The following RIC3 variants were observed in gnomAD, a reference collection of about 807,000 sequenced individuals.
RIC3 encodes protein RIC-3.
Under a neutral mutation model 27.3 loss-of-function variants are expected in RIC3, and 28 were observed. That is an observed-to-expected ratio of 1.02 (90% CI 0.76 to 1.41). RIC3 has a LOEUF of 1.41. Among genes scored for constraint, RIC3 ranks in the 40% most tolerant of loss-of-function variants. RIC3 has a pLI of 0.00. For synonymous variants in RIC3, 184 were observed against 160.4 expected (o/e 1.15, Z -1.11); for missense variants, 501 against 444.7 (o/e 1.13, Z -1.14).
At chr11:8,100,814 C>T in the RIC3 span, 5 of 1,612,966 alleles carry the variant, frequency 3.1e-6, no homozygotes, top group African/African-American at 2.7e-5. Context: ...TCAGGTGAGG[C>T]TGCCCTCCCA....
chr11:8,139,093 T>G (rs899982046), intron 2 of RIC3: 1 of 152,248 alleles, frequency 6.6e-6, no homozygotes, highest in African/African-American at 2.4e-5. Flanking sequence ...AAGTGCTGCT[T>G]CTTTATGGCA....
At chr11:8,119,666 A>T (rs1359311674) in intron 5 of RIC3, among the ~76,000 whole-genome samples, 1 of 152,234 alleles carries the variant, frequency 6.6e-6, no homozygotes, top group Non-Finnish European at 1.5e-5. Context: ...CACCAAAAGC[A>T]ATGACAACAA....
downstream of RIC3, chr11:8,105,102 T>A (rs1944492712): frequency 6.6e-6 from 1 of 152,170 alleles, no homozygotes; most frequent in African/African-American, 2.4e-5. Context: ...GGGATAGCCA[T>A]TTCCATGGCT....
At chr11:8,154,855 G>A (rs955933678) in intron 1 of RIC3, among the ~76,000 whole-genome samples, 1 of 152,126 alleles carries the variant, frequency 6.6e-6, no homozygotes, top group Non-Finnish European at 1.5e-5. Flanking sequence ...ACAGCTATGT[G>A]ACTATCTCTA....
intron 1 of RIC3, among the ~76,000 whole-genome samples, chr11:8,164,518 GTA>G (rs912646843): frequency 7.2e-5 from 11 of 152,254 alleles, no homozygotes; most frequent in African/African-American, 2.6e-4. Context: ...GCTTACACCT[GTA>G]ATACCAGTGC....
chr11:8,098,900 T>C, the RIC3 span: 3 of 1,533,346 alleles, frequency 2.0e-6, no homozygotes, highest in African/African-American at 1.4e-5. Context: ...CGGGGGTCTC[T>C]GATTTCCAAG....
rs751315626 is a variant in RIC3, at chr11:8,110,924, G to C, written c.884C>G (p.Ser295Trp). ...ACATGTTTCTGGCTTTGGATCACAC[G>C]AGGTAACAGAATTATCTTCCTGGGC... The part of the protein sequence containing the change: ...PRAQEDNSVT[S>W]CDPKPETCSC... Residue 295 changes from serine (S) to tryptophan (W), a missense_variant, in exon 6 of 6, where the codon TCG becomes TGG. By Grantham distance (177) the Ser-to-Trp change is radical (BLOSUM62 -3). Transcript: ENST00000309737. The C allele has an allele frequency of 6.2e-7, 1 of 1,614,160 alleles. No homozygotes were observed. Among genetic ancestry groups the C allele is most frequent in the South Asian group, 1.1e-5 (1 of 91,062 alleles).
chr11:8,129,615 G>A (rs1947445302), intron 4 of RIC3, among the ~76,000 whole-genome samples: 2 of 152,098 alleles, frequency 1.3e-5, no homozygotes, highest in South Asian at 4.1e-4. Context: ...GTCACAGTTG[G>A]GAAACACCCT....
At chr11:8,100,107 G>T in the RIC3 span, among the ~76,000 whole-genome samples, 1 of 152,308 alleles carries the variant, frequency 6.6e-6, no homozygotes, top group Non-Finnish European at 1.5e-5. Context: ...AGGAGTCCAG[G>T]CAAAGGCTGT....
In RIC3 at chr11:8,140,020, T is replaced by A; in HGVS notation, c.298A>T (p.Ile100Phe). ...GSGRGLMGQIIPIYGFGIFLY... is the reference protein window; with the variant it reads ...GSGRGLMGQIFPIYGFGIFLY... ...AAAATCCCAAAACCGTAGATTGGAA[T>A]AATCTGCCCCATCAGACCTCTTCCA... Residue 100 changes from isoleucine to phenylalanine, a missense_variant, in exon 2 of 6, where the codon ATT (isoleucine) becomes TTT (phenylalanine). Transcript: ENST00000309737. 1 of 1,614,130 alleles carries A rather than the reference T, an allele frequency of 6.2e-7. No homozygotes were observed. Among genetic ancestry groups the A allele is most frequent in the Admixed American group, 1.7e-5 (1 of 59,990 alleles).
At chr11:8,134,237 C>T (rs914976752) in intron 4 of RIC3, among the ~76,000 whole-genome samples, 20 of 152,118 alleles carry the variant, frequency 1.3e-4, no homozygotes, top group African/African-American at 4.1e-4. Flanking sequence ...TGAGTGAGAA[C>T]ATGCGGTGTT....
At chr11:8,136,100 C>T (rs1379349661) in intron 4 of RIC3, among the ~76,000 whole-genome samples, 1 of 152,108 alleles carries the variant, frequency 6.6e-6, no homozygotes, top group Non-Finnish European at 1.5e-5. Flanking sequence ...GCTCCTGGGC[C>T]CACACAGGCA....
At chr11:8,143,871 G>C (rs1484153733) in intron 1 of RIC3, among the ~76,000 whole-genome samples, 1 of 151,880 alleles carries the variant, frequency 6.6e-6, no homozygotes, top group Admixed American at 6.6e-5. Flanking sequence ...CAGAAATAAC[G>C]CCGCATATCT....
chr11:8,101,044 G>A, the RIC3 span: 4 of 1,608,972 alleles, frequency 2.5e-6, no homozygotes, highest in Non-Finnish European at 3.4e-6. Flanking sequence ...GATACCCAAG[G>A]CCCTTAGCGT....
In RIC3 at chr11:8,106,389, G is replaced by GT. The variant is rs1387069323; in HGVS notation, c.*4308dup. ...GAGATCATAACCTCACCAATGACAT[G>GT]TGGGTCAACACTGTCCTTCCTCTGG... is the stretch of plus-strand genomic sequence containing the variant. On this transcript the variant is annotated 3_prime_UTR_variant, in exon 6 of 6. Coordinates refer to ENST00000309737, the MANE Select transcript of RIC3 (RefSeq NM_001206671.4). The GT allele has an allele frequency of 2.6e-5, 4 of 152,186 alleles. No individual in the cohort carries two copies. Among genetic ancestry groups the GT allele is most frequent in the African/African-American group, 9.7e-5 (4 of 41,438 alleles). 9.4% of individuals were successfully genotyped at this position (152,186 alleles called of 1,614,324 possible).
intron 5 of RIC3, among the ~76,000 whole-genome samples, chr11:8,123,195 A>T (rs1307660057): frequency 6.6e-6 from 1 of 152,104 alleles, no homozygotes; most frequent in Non-Finnish European, 1.5e-5. Flanking sequence ...ATGGTAAGAA[A>T]AAAAAAAGTG....
intron 1 of RIC3, among the ~76,000 whole-genome samples, chr11:8,151,742 C>T (rs1950253347): frequency 6.6e-6 from 1 of 151,330 alleles, no homozygotes; most frequent in Non-Finnish European, 1.5e-5. Flanking sequence ...GGTGAAACCT[C>T]GTCTCTACTA....
At chr11:8,124,467 T>C (rs552536403) in intron 5 of RIC3, among the ~76,000 whole-genome samples, 1 of 152,338 alleles carries the variant, frequency 6.6e-6, no homozygotes, top group African/African-American at 2.4e-5. Flanking sequence ...TTCTTCCAAA[T>C]TGATCTAAAG....
chr11:8,134,906 G>A (rs1019404828), intron 4 of RIC3, among the ~76,000 whole-genome samples: 1 of 152,082 alleles, frequency 6.6e-6, no homozygotes, highest in Non-Finnish European at 1.5e-5. Flanking sequence ...TTTGTCAGAT[G>A]AGTAGATTGC....
Sources: allele counts gnomAD v4.1 joint callset (sites outside exome capture counted in the v4.1 genomes callset), GRCh38; gene constraint gnomAD v4.1.1; transcripts MANE v1.5; gene names NCBI Gene and HGNC (gene_info 2026-07-23, HGNC 2026-07-21).